The following CCDC170 variants were observed in gnomAD, a reference collection of about 807,000 sequenced individuals.
The protein encoded by CCDC170 is coiled-coil domain-containing protein 170.
A neutral mutation model predicts 72.6 loss-of-function variants in CCDC170; 69 were observed. The observed-to-expected ratio is 0.95, with a 90% CI of 0.78 to 1.16. The LOEUF is 1.16. Ranked by LOEUF, CCDC170 falls within the 50% of genes most tolerant of loss-of-function variation. The pLI is 0.00. For missense variants in CCDC170, 852 were observed against 832.5 expected (o/e 1.02, Z -0.29); for synonymous variants, 300 against 303.9 (o/e 0.99, Z 0.13).
intron 1 of CCDC170, among the ~76,000 whole-genome samples, chr6:151,530,293 T>C (rs11753987): frequency 0.47 from 71,058 of 151,530 alleles, 18,809 homozygotes; most frequent in Non-Finnish European, 0.6. Flanking sequence ...CCAGGACAAA[T>C]AGTGTTAACT....
In CCDC170 at chr6:151,615,642, A is replaced by C; in HGVS notation, c.1910A>C (p.Lys637Thr). Residue 637 changes from lysine (K) to threonine (T), a missense_variant, in exon 10 of 11, where the codon AAA (lysine) becomes ACA (threonine). Physicochemically the swap from Lys to Thr is moderately conservative, Grantham distance 78. Transcript: ENST00000239374. ...EVVTSEMKTL[K>T]KSLEEAEKRE... ...GTAACCAGTGAAATGAAGACACTAA[A>C]AAAATCTCTGGAAGAAGCAGAAAAG... 1 of 1,614,036 alleles carries C rather than the reference A, an allele frequency of 6.2e-7. No individual in the cohort carries two copies. Among genetic ancestry groups the C allele is most frequent in the Non-Finnish European group, 8.5e-7 (1 of 1,179,958 alleles).
chr6:151,568,075 A>C (rs1027167908), intron 5 of CCDC170, among the ~76,000 whole-genome samples: 1 of 124,978 alleles, frequency 8.0e-6, no homozygotes, highest in African/African-American at 3.1e-5. Flanking sequence ...ATGCCACTGC[A>C]CTCCAGCCTG....
chr6:151,543,880 T>C (rs974113830), intron 3 of CCDC170, among the ~76,000 whole-genome samples: 1 of 152,320 alleles, frequency 6.6e-6, no homozygotes, highest in Non-Finnish European at 1.5e-5. Context: ...GATGGGCACT[T>C]ATGTTGATTC....
At chr6:151,519,894 C>T (rs760737879) in intron 1 of CCDC170, among the ~76,000 whole-genome samples, 1 of 152,156 alleles carries the variant, frequency 6.6e-6, no homozygotes, top group Non-Finnish European at 1.5e-5. Context: ...TGAGGATGAC[C>T]AGAGGTTACT....
intron 1 of CCDC170, among the ~76,000 whole-genome samples, chr6:151,533,907 T>C (rs1029020890): frequency 5.3e-5 from 8 of 152,208 alleles, no homozygotes; most frequent in Admixed American, 3.9e-4. Context: ...ATCTCCAGTC[T>C]GTTGGACTCT....
chr6:151,558,458 C>T (rs1783024308), intron 5 of CCDC170, among the ~76,000 whole-genome samples: 1 of 151,774 alleles, frequency 6.6e-6, no homozygotes, highest in Admixed American at 6.6e-5. Flanking sequence ...AGATCTTAGC[C>T]CTAAAATATT....
At chr6:151,554,150 G>T (rs894546644) in intron 5 of CCDC170, among the ~76,000 whole-genome samples, 2 of 152,102 alleles carry the variant, frequency 1.3e-5, no homozygotes, top group African/African-American at 4.8e-5. Context: ...ACCAAAAGTT[G>T]GTACTTGGTA....
chr6:151,537,127 C>T (rs1782601652), intron 2 of CCDC170, among the ~76,000 whole-genome samples: 1 of 152,196 alleles, frequency 6.6e-6, no homozygotes, highest in Admixed American at 6.5e-5. Flanking sequence ...TTCTGAATCC[C>T]TTTCCTGTGG....
intron 9 of CCDC170, among the ~76,000 whole-genome samples, chr6:151,612,458 G>C (rs1776888775): frequency 6.6e-6 from 1 of 152,124 alleles, no homozygotes; most frequent in South Asian, 2.1e-4. Context: ...ATTCATTGGG[G>C]CAGCAACATT....
At chr6:151,500,722 G>A (rs1378754355) in intron 1 of CCDC170, among the ~76,000 whole-genome samples, 1 of 152,034 alleles carries the variant, frequency 6.6e-6, no homozygotes, top group Admixed American at 6.6e-5. Flanking sequence ...TCATTCATCA[G>A]GTAGTTGTAA....
At position 151,619,318 on chromosome 6, in the gene CCDC170, C is replaced by CAATG. The variant is rs1317534674; in HGVS notation, c.*1172_*1175dup. ...ACCAATATATCCAATACACCCACAG[C>CAATG]AATGGTACCTTTTTAAGATCAGGAT... is the stretch of plus-strand genomic sequence containing the variant. On this transcript the variant is annotated 3_prime_UTR_variant, in exon 11 of 11. Transcript: ENST00000239374. The CAATG allele has an allele frequency of 6.6e-6, 1 of 152,138 alleles. No homozygotes were observed. Among genetic ancestry groups the CAATG allele is most frequent in the Non-Finnish European group, 1.5e-5 (1 of 68,040 alleles). 9.4% of individuals were successfully genotyped at this position (152,138 alleles called of 1,614,324 possible).
At chr6:151,557,432 C>T (rs1474561981) in intron 5 of CCDC170, among the ~76,000 whole-genome samples, 1 of 147,424 alleles carries the variant, frequency 6.8e-6, no homozygotes, top group African/African-American at 2.7e-5. Context: ...AAAATCCATT[C>T]ATCCGTTGGT....
chr6:151,538,974 A>G (rs75908528), intron 3 of CCDC170, among the ~76,000 whole-genome samples: 2,821 of 152,190 alleles, frequency 0.019, 34 homozygotes, highest in Non-Finnish European at 0.03. Flanking sequence ...TAAACATTGT[A>G]TGTATGGCCG....
chr6:151,579,972 A>G (rs1776358226), intron 6 of CCDC170, among the ~76,000 whole-genome samples: 1 of 152,222 alleles, frequency 6.6e-6, no homozygotes, highest in African/African-American at 2.4e-5. Flanking sequence ...AATTGAAACC[A>G]GGGCTATCTG....
At chr6:151,571,650 C>A (rs911202717) in intron 5 of CCDC170, among the ~76,000 whole-genome samples, 1 of 152,044 alleles carries the variant, frequency 6.6e-6, no homozygotes, top group African/African-American at 2.4e-5. Context: ...TCACTTGAAC[C>A]CAGTAGGCGG....
intron 5 of CCDC170, among the ~76,000 whole-genome samples, chr6:151,557,861 G>A (rs1783008216): frequency 6.6e-6 from 1 of 152,184 alleles, no homozygotes; most frequent in South Asian, 2.1e-4. Flanking sequence ...CACTTTGGGA[G>A]GCCAAGGTGA....
In CCDC170 at chr6:151,618,530, GC is replaced by G. The variant is rs1306110666; in HGVS notation, c.*384del. ...ATTTTTAATTTACAACCTTTCTGGG[GC>G]TCAGACATAAAGTTACCTATCCAAG... On this transcript the variant is annotated 3_prime_UTR_variant, in exon 11 of 11. Coordinates refer to ENST00000239374, the MANE Select transcript of CCDC170 (RefSeq NM_025059.4). 4.9e-6 allele frequency: 1 copy of G among 205,656 alleles called. No homozygotes were observed. The highest frequency in any genetic ancestry group is 1.0e-5 in the Non-Finnish European group (1 of 100,180). The allele number at this position is 205,656 out of a possible 1,614,324, so 12.7% of individuals were successfully genotyped here.
In CCDC170 at chr6:151,615,521, G is replaced by T. The variant is rs1303846672; in HGVS notation, c.1789G>T (p.Ala597Ser). 6.2e-7 allele frequency: 1 copy of T among 1,614,104 alleles called. No homozygotes were observed. Among genetic ancestry groups the T allele is most frequent in the Admixed American group, 1.7e-5 (1 of 60,024 alleles). Residue 597 changes from alanine (A) to serine (S), a missense_variant, in exon 10 of 11, where the codon GCT becomes TCT. Coordinates refer to ENST00000239374, the MANE Select transcript of CCDC170 (RefSeq NM_025059.4). ...RDQLEKMKEK[A>S]EKKLMSVKSE... ...CCAACTGGAGAAGATGAAGGAGAAA[G>T]CTGAGAAAAAGCTCATGTCTGTCAA...
intron 1 of CCDC170, among the ~76,000 whole-genome samples, chr6:151,515,423 C>A (rs905611192): frequency 1.3e-5 from 2 of 152,214 alleles, no homozygotes; most frequent in Admixed American, 6.5e-5. Context: ...ACTGGGACTA[C>A]AGGTGCACAT....
Sources: allele counts gnomAD v4.1 joint callset (sites outside exome capture counted in the v4.1 genomes callset), GRCh38; gene constraint gnomAD v4.1.1; transcripts MANE v1.5; gene names NCBI Gene and HGNC (gene_info 2026-07-23, HGNC 2026-07-21).